CACNB2: variants seen among roughly 807,000 people sequenced by gnomAD.
CACNB2 encodes the protein calcium voltage-gated channel auxiliary subunit beta 2.
Under a neutral mutation model 73.3 loss-of-function variants are expected in CACNB2, and 42 were observed. That is an observed-to-expected ratio of 0.57 (90% CI 0.45 to 0.74). The LOEUF (loss-of-function observed/expected upper bound fraction) is 0.74, where lower values mean the gene tolerates loss of function less well. Ranked by LOEUF, CACNB2 falls within the 30% of genes least tolerant of loss-of-function variation. The probability of loss-of-function intolerance (pLI) is 0.00; values close to 1 mark genes in which losing one functional copy is unlikely to be tolerated. For missense variants in CACNB2, 940 were observed against 853.0 expected (o/e 1.10, Z -1.27); for synonymous variants, 348 against 310.3 (o/e 1.12, Z -1.28).
At chr10:18,476,096 G>A (rs1201674511) in intron 3 of CACNB2, among the ~76,000 whole-genome samples, 1 of 152,178 alleles carries the variant, frequency 6.6e-6, no homozygotes, top group East Asian at 1.9e-4. Flanking sequence ...GCAGTGGATT[G>A]TTCATGAGTT....
intron 9 of CACNB2, among the ~76,000 whole-genome samples, chr10:18,525,511 C>A (rs916043847): frequency 6.6e-6 from 1 of 152,096 alleles, no homozygotes; most frequent in Admixed American, 6.5e-5. Flanking sequence ...ACAAAGCATT[C>A]TAGTGCTTTG....
chr10:18,451,231 A>C (rs1313789524), intron 3 of CACNB2, among the ~76,000 whole-genome samples: 1 of 152,172 alleles, frequency 6.6e-6, no homozygotes, highest in Non-Finnish European at 1.5e-5. Flanking sequence ...GAGAAAAGTA[A>C]CTACTTAATG....
At chr10:18,538,815 C>T (rs528716333) in intron 13 of CACNB2, among the ~76,000 whole-genome samples, 1 of 152,092 alleles carries the variant, frequency 6.6e-6, no homozygotes, top group Non-Finnish European at 1.5e-5. Flanking sequence ...AGTGCCTGTC[C>T]CATACTGTAT....
At chr10:18,197,212 G>T (rs2034665302) in intron 2 of CACNB2, among the ~76,000 whole-genome samples, 1 of 152,136 alleles carries the variant, frequency 6.6e-6, no homozygotes, top group Non-Finnish European at 1.5e-5. Flanking sequence ...TAGCATTTGG[G>T]CCTGGCCCAC....
Position 18,538,313 on chromosome 10 carries a change from C to A in CACNB2, c.1436C>A (p.Thr479Lys), listed in dbSNP as rs750709385. The A allele has an allele frequency of 1.2e-6, 2 of 1,614,166 alleles. No homozygotes were observed. Among genetic ancestry groups the A allele is most frequent in the Non-Finnish European group, 1.7e-6 (2 of 1,179,992 alleles). ...CTCCCCAACCCTCTCCTTAGCCGTA[C>A]ATTAGCCACTTCAAGTCTGCCTCTT... ...SSLPNPLLSR[T>K]LATSSLPLSP... The change falls in exon 13 of 14, where the codon ACA becomes AAA. Residue 479 changes from threonine to lysine, a missense_variant. By Grantham distance (78) the Thr-to-Lys change is moderately conservative (BLOSUM62 -1). Coordinates refer to ENST00000324631, the MANE Select transcript of CACNB2 (RefSeq NM_201596.3).
chr10:18,521,889 G>A (rs1336149216), intron 9 of CACNB2, among the ~76,000 whole-genome samples: 1 of 152,162 alleles, frequency 6.6e-6, no homozygotes, highest in Non-Finnish European at 1.5e-5. Context: ...CAATAGATCA[G>A]GAGTCCCAAA....
intron 2 of CACNB2, among the ~76,000 whole-genome samples, chr10:18,289,592 C>A (rs2038975124): frequency 6.6e-6 from 1 of 151,928 alleles, no homozygotes; most frequent in African/African-American, 2.4e-5. Context: ...CCGCGCCCGG[C>A]CAAAGTTGTC....
At chr10:18,232,346 T>A (rs1003358537) in intron 2 of CACNB2, among the ~76,000 whole-genome samples, 1 of 152,156 alleles carries the variant, frequency 6.6e-6, no homozygotes, top group Non-Finnish European at 1.5e-5. Flanking sequence ...AGAAGCCAAG[T>A]AATTTGTTCA....
intron 2 of CACNB2, among the ~76,000 whole-genome samples, chr10:18,216,253 C>T (rs2035507169): frequency 6.6e-6 from 1 of 152,098 alleles, no homozygotes; most frequent in Non-Finnish European, 1.5e-5. Flanking sequence ...GCCAAGATTA[C>T]ACCATTGCAT....
chr10:18,433,968 A>T (rs1275610359), intron 3 of CACNB2, among the ~76,000 whole-genome samples: 2 of 152,194 alleles, frequency 1.3e-5, no homozygotes, highest in Non-Finnish European at 2.9e-5. Flanking sequence ...ACTGTGCTAC[A>T]GTATTCCTAT....
chr10:18,318,257 G>C (rs968614103), intron 2 of CACNB2, among the ~76,000 whole-genome samples: 4 of 152,126 alleles, frequency 2.6e-5, no homozygotes, highest in African/African-American at 9.7e-5. Flanking sequence ...AAACAGCATG[G>C]TACTGGTACC....
chr10:18,290,626 A>G (rs2039026035), intron 2 of CACNB2, among the ~76,000 whole-genome samples: 1 of 152,146 alleles, frequency 6.6e-6, no homozygotes. Context: ...GGTTCCTTCC[A>G]CCTCTATTTG....
intron 3 of CACNB2, among the ~76,000 whole-genome samples, chr10:18,493,935 A>C (rs1348867503): frequency 6.6e-6 from 1 of 152,178 alleles, no homozygotes; most frequent in East Asian, 1.9e-4. Context: ...TTAGAAATAT[A>C]GTTCCTGAAG....
At chr10:18,351,682 C>T (rs1256896152) in intron 2 of CACNB2, among the ~76,000 whole-genome samples, 1 of 152,098 alleles carries the variant, frequency 6.6e-6, no homozygotes, top group Non-Finnish European at 1.5e-5. Flanking sequence ...TAATCTGGAA[C>T]AAAAGGAAAC....
At chr10:18,300,274 G>A (rs931840096) in intron 2 of CACNB2, among the ~76,000 whole-genome samples, 15 of 152,106 alleles carry the variant, frequency 9.9e-5, no homozygotes, top group African/African-American at 3.4e-4. Context: ...TGCCCACCTC[G>A]GCCTCCCAAA....
chr10:18,222,117 A>G (rs1470091896), intron 2 of CACNB2, among the ~76,000 whole-genome samples: 1 of 152,170 alleles, frequency 6.6e-6, no homozygotes, highest in Non-Finnish European at 1.5e-5. Context: ...TACACAATAC[A>G]CCTGTGACGT....
intron 3 of CACNB2, among the ~76,000 whole-genome samples, chr10:18,422,162 T>C (rs1487205425): frequency 1.3e-5 from 2 of 152,232 alleles, no homozygotes; most frequent in African/African-American, 2.4e-5. Context: ...TGGTTTGGTT[T>C]GGTCGCCTGC....
intron 2 of CACNB2, among the ~76,000 whole-genome samples, chr10:18,174,813 A>T (rs1284981028): frequency 6.6e-6 from 1 of 152,188 alleles, no homozygotes; most frequent in Non-Finnish European, 1.5e-5. Context: ...ATTTAAATAC[A>T]ATTCAGATTT....
At chr10:18,257,813 G>A (rs553970307) in intron 2 of CACNB2, among the ~76,000 whole-genome samples, 3 of 152,164 alleles carry the variant, frequency 2.0e-5, no homozygotes, top group Non-Finnish European at 2.9e-5. Context: ...GCATGATCTC[G>A]GCTCACTGCA....
Sources: gnomAD v4.1 joint callset for allele counts (sites outside exome capture counted in the v4.1 genomes callset) on GRCh38, gnomAD v4.1.1 for gene constraint, MANE v1.5 for transcripts, NCBI Gene and HGNC (gene_info 2026-07-23, HGNC 2026-07-21) for gene names.